Variants in HMGB1 observed in about 807,000 individuals in gnomAD.
HMGB1 encodes high mobility group box 1.
For synonymous variants in HMGB1, 81 were observed against 84.0 expected (o/e 0.96, Z 0.19); for missense variants, 79 against 253.5 (o/e 0.31, Z 4.67).
intron 1 of HMGB1, among the ~76,000 whole-genome samples, chr13:30,584,075 G>A (rs1001922087): frequency 1.3e-4 from 19 of 151,558 alleles, no homozygotes; most frequent in Non-Finnish European, 7.4e-5. Context: ...GAGAGAGAGA[G>A]AGAGGAAGAA....
At chr13:30,510,981 A>G (rs1316801024) in intron 1 of HMGB1, among the ~76,000 whole-genome samples, 1 of 152,110 alleles carries the variant, frequency 6.6e-6, no homozygotes, top group Non-Finnish European at 1.5e-5. Flanking sequence ...ATAGTTTTTT[A>G]CAAGTTGCTC....
At chr13:30,548,344 G>T (rs563085838) in intron 1 of HMGB1, among the ~76,000 whole-genome samples, 7 of 152,110 alleles carry the variant, frequency 4.6e-5, no homozygotes, top group Admixed American at 3.9e-4. Context: ...CACCACGATT[G>T]TAAGTTTCCT....
chr13:30,521,859 C>T (rs1888245945), intron 1 of HMGB1, among the ~76,000 whole-genome samples: 1 of 152,236 alleles, frequency 6.6e-6, no homozygotes, highest in Admixed American at 6.5e-5. Flanking sequence ...TTCAATTTCT[C>T]TACATACTTG....
At chr13:30,535,843 T>C (rs1022457894) in intron 1 of HMGB1, among the ~76,000 whole-genome samples, 2 of 152,206 alleles carry the variant, frequency 1.3e-5, no homozygotes, top group Admixed American at 6.5e-5. Flanking sequence ...GGAGTTGAGA[T>C]TGTGCCACTG....
intron 1 of HMGB1, among the ~76,000 whole-genome samples, chr13:30,514,874 A>G (rs1178978290): frequency 6.6e-6 from 1 of 152,154 alleles, no homozygotes; most frequent in African/African-American, 2.4e-5. Flanking sequence ...GAACTCTAAG[A>G]TGATCCTCGA....
At chr13:30,498,297 G>C (rs1887657238) in intron 1 of HMGB1, among the ~76,000 whole-genome samples, 1 of 152,140 alleles carries the variant, frequency 6.6e-6, no homozygotes, top group African/African-American at 2.4e-5. Context: ...TCCAGCCTGG[G>C]GAACAGAGTG....
At chr13:30,549,303 T>C (rs929879830) in intron 1 of HMGB1, among the ~76,000 whole-genome samples, 10 of 152,078 alleles carry the variant, frequency 6.6e-5, no homozygotes, top group African/African-American at 2.4e-4. Flanking sequence ...TAAATACGAA[T>C]GTCTGACCAG....
chr13:30,500,672 G>T (rs1887715186), intron 1 of HMGB1, among the ~76,000 whole-genome samples: 1 of 151,396 alleles, frequency 6.6e-6, no homozygotes, highest in African/African-American at 2.4e-5. Context: ...CTCCTGAGTA[G>T]CTGGGATCAC....
At chr13:30,471,836 T>G (rs1886951891) in intron 1 of HMGB1, among the ~76,000 whole-genome samples, 1 of 151,340 alleles carries the variant, frequency 6.6e-6, no homozygotes, top group South Asian at 2.1e-4. Context: ...GCCTGGCTAA[T>G]TTTTTGTAAT....
intron 1 of HMGB1, among the ~76,000 whole-genome samples, chr13:30,500,788 A>G (rs2137452091): frequency 6.7e-6 from 1 of 148,310 alleles, no homozygotes; most frequent in African/African-American, 2.5e-5. Context: ...CAATGGCATG[A>G]TCTTGGCTCA....
intron 1 of HMGB1, among the ~76,000 whole-genome samples, chr13:30,580,727 A>C (rs1405998760): frequency 6.6e-6 from 1 of 152,214 alleles, no homozygotes; most frequent in Non-Finnish European, 1.5e-5. Flanking sequence ...CAGACATTTA[A>C]TAACTATTAG....
At position 30,589,869 on chromosome 13, in the gene HMGB1, C is replaced by CA. The variant is rs78862948; in HGVS notation, c.-15+26801dup. Among the ~76,000 whole-genome samples the CA allele has an allele frequency of 4.9e-3, 599 of 121,852 alleles. 2 individuals carry two copies. The highest frequency in any genetic ancestry group is 0.03 in the South Asian group (111 of 3,754). The allele number at this position is 121,852 out of a possible 152,430, so 79.9% of individuals were successfully genotyped here. On this transcript the variant is annotated intron_variant, in intron 1 of 4. Coordinates refer to the HMGB1 transcript ENST00000405805. ...TGGGCAACAGAGTGAGACTCTGTCT[C>CA]AAAAAAAAAAAAAGGAAGACTCGAG...
intron 1 of HMGB1, among the ~76,000 whole-genome samples, chr13:30,495,623 C>T (rs958551373): frequency 5.3e-5 from 8 of 152,038 alleles, no homozygotes; most frequent in African/African-American, 1.9e-4. Context: ...GGACTACAGG[C>T]GCGTGCCGCC....
intron 1 of HMGB1, among the ~76,000 whole-genome samples, chr13:30,516,918 A>AAAT (rs576872336): frequency 6.6e-6 from 1 of 152,168 alleles, no homozygotes; most frequent in African/African-American, 2.4e-5. Context: ...CCCAGTCTCA[A>AAAT]AATAATAATA....
At chr13:30,563,061 A>G (rs1472658629) in intron 1 of HMGB1, among the ~76,000 whole-genome samples, 4 of 152,260 alleles carry the variant, frequency 2.6e-5, no homozygotes, top group African/African-American at 9.6e-5. Context: ...TTAAGCCTCA[A>G]GTACTGTTAA....
rs533077374 is a variant in HMGB1 at position 30,465,559 on chromosome 13, C to T, written c.-15+237G>A. On this transcript the variant is annotated intron_variant, in intron 1 of 4. Coordinates refer to ENST00000341423, the MANE Select transcript of HMGB1 (RefSeq NM_002128.7). ...GGACGCCGCCGGGGGTGGAAACTCG[C>T]GGGGCGCGGGGCTCCCGGCGCCTCA... 2.3e-3 allele frequency among the ~76,000 whole-genome samples: 347 copies of T among 151,338 alleles called. 1 individual carries two copies. The highest frequency in any genetic ancestry group is 8.0e-3 in the African/African-American group (330 of 41,366).
At chr13:30,466,176 G>GT (rs1252931579), upstream of HMGB1, among the ~76,000 whole-genome samples, 2 of 152,220 alleles carry the variant, frequency 1.3e-5, no homozygotes, top group African/African-American at 4.8e-5. Context: ...GCTCTATGGT[G>GT]TATGTGTGCA....
intron 1 of HMGB1, among the ~76,000 whole-genome samples, chr13:30,584,936 C>A (rs1030569131): frequency 6.6e-6 from 1 of 152,052 alleles, no homozygotes; most frequent in East Asian, 1.9e-4. Flanking sequence ...TCACTTGATA[C>A]CAGGAATTCG....
intron 1 of HMGB1, among the ~76,000 whole-genome samples, chr13:30,596,560 C>T (rs887927669): frequency 1.3e-5 from 2 of 152,208 alleles, no homozygotes; most frequent in African/African-American, 4.8e-5. Context: ...ACCAGCAAGA[C>T]TTGAGTTTAG....
Sources: gnomAD v4.1 joint callset for allele counts (sites outside exome capture counted in the v4.1 genomes callset) on GRCh38, gnomAD v4.1.1 for gene constraint, MANE v1.5 for transcripts, NCBI Gene and HGNC (gene_info 2026-07-23, HGNC 2026-07-21) for gene names.